Variants in FMN1 observed in about 807,000 individuals in gnomAD.
FMN1 encodes formin-1.
In FMN1, 110 loss-of-function variants were observed where a neutral mutation model predicts 132.4. That is an observed-to-expected ratio of 0.83 (90% CI 0.71 to 0.97). FMN1 has a LOEUF of 0.97. Among genes scored for constraint, FMN1 ranks in the 50% least tolerant of loss-of-function variants. The pLI, the probability that FMN1 is intolerant of heterozygous loss-of-function variation, is 0.00. For synonymous variants in FMN1, 722 were observed against 651.7 expected (o/e 1.11, Z -1.64); for missense variants, 1,792 against 1,705.3 (o/e 1.05, Z -0.90).
chr15:33,078,008 G>A (rs776686377), intron 5 of FMN1, among the ~76,000 whole-genome samples: 1 of 151,952 alleles, frequency 6.6e-6, no homozygotes, highest in Admixed American at 6.5e-5. Flanking sequence ...GAGAGGATGT[G>A]GAGAAATAGG....
chr15:33,047,545 T>C (rs2036744491), intron 6 of FMN1, among the ~76,000 whole-genome samples: 1 of 152,224 alleles, frequency 6.6e-6, no homozygotes, highest in African/African-American at 2.4e-5. Flanking sequence ...GACCCTGTTT[T>C]GGGAAAAACC....
chr15:32,801,220 C>T (rs554046481), intron 18 of FMN1, among the ~76,000 whole-genome samples: 2 of 152,316 alleles, frequency 1.3e-5, no homozygotes, highest in South Asian at 2.1e-4. Context: ...ATTTTCCCAA[C>T]TCTAAACTGA....
At chr15:32,838,748 G>T (rs981296743) in intron 17 of FMN1, among the ~76,000 whole-genome samples, 7 of 152,172 alleles carry the variant, frequency 4.6e-5, no homozygotes, top group African/African-American at 1.7e-4. Context: ...AAAAATCAAG[G>T]CAACAGAATC....
At chr15:32,971,939 T>C (rs1386813770) in intron 7 of FMN1, among the ~76,000 whole-genome samples, 1 of 152,214 alleles carries the variant, frequency 6.6e-6, no homozygotes, top group Admixed American at 6.5e-5. Flanking sequence ...TGTAAAGCTA[T>C]ATATCATTTT....
chr15:33,154,946 T>G lies in FMN1; in HGVS notation c.-32A>C. 6.7e-7 allele frequency: 1 copy of G among 1,492,468 alleles called. No individual in the cohort carries two copies. Among genetic ancestry groups the G allele is most frequent in the Non-Finnish European group, 8.9e-7 (1 of 1,124,390 alleles). The allele number at this position is 1,492,468 out of a possible 1,614,324, so 92.5% of individuals were successfully genotyped here. ...TACCTAATTATTCATGCCTTGGAGA[T>G]GCCGGTTTGTGGTCAGGCTTCCCAG... On this transcript the variant is annotated 5_prime_UTR_variant, in exon 4 of 21. Coordinates refer to ENST00000616417, the MANE Select transcript of FMN1 (RefSeq NM_001277313.2).
At chr15:33,068,070 C>G in intron 5 of FMN1, 8 of 1,405,634 alleles carry the variant, frequency 5.7e-6, no homozygotes, top group Non-Finnish European at 6.5e-6. Flanking sequence ...CCGGTTTGTG[C>G]GATGATGTGT....
chr15:32,907,832 G>A (rs761183767), intron 12 of FMN1, among the ~76,000 whole-genome samples: 2 of 152,110 alleles, frequency 1.3e-5, no homozygotes, highest in Non-Finnish European at 2.9e-5. Flanking sequence ...TGGAAAGCTG[G>A]GCAGGGTCGT....
At chr15:33,000,178 G>C (rs895802978) in intron 7 of FMN1, among the ~76,000 whole-genome samples, 1 of 152,208 alleles carries the variant, frequency 6.6e-6, no homozygotes, top group Non-Finnish European at 1.5e-5. Context: ...GGCTGGACGT[G>C]ATGGCTCACG....
chr15:32,908,007 G>T (rs1413927974), intron 12 of FMN1, among the ~76,000 whole-genome samples: 1 of 152,182 alleles, frequency 6.6e-6, no homozygotes, highest in Non-Finnish European at 1.5e-5. Flanking sequence ...TGTACAGAGT[G>T]AGGGTGAGAA....
At chr15:32,878,411 T>A (rs2059688056) in intron 16 of FMN1, among the ~76,000 whole-genome samples, 1 of 151,926 alleles carries the variant, frequency 6.6e-6, no homozygotes. Context: ...AGACCAAGAG[T>A]GGAAGCAGAG....
intron 14 of FMN1, chr15:32,899,724 G>T: frequency 1.9e-6 from 1 of 522,092 alleles, no homozygotes; most frequent in Non-Finnish European, 3.4e-6. Flanking sequence ...TTCAATACCT[G>T]ATTGTGTATG....
intron 6 of FMN1, among the ~76,000 whole-genome samples, chr15:33,016,950 GC>G (rs571624200): frequency 7.2e-4 from 109 of 152,276 alleles, no homozygotes; most frequent in African/African-American, 2.5e-3. Flanking sequence ...AGCTTGAGAG[GC>G]CTGTCTCGCT....
chr15:33,111,008 G>A (rs2039680723), intron 4 of FMN1, among the ~76,000 whole-genome samples: 1 of 152,048 alleles, frequency 6.6e-6, no homozygotes, highest in African/African-American at 2.4e-5. Context: ...AAGTGCTATG[G>A]AATTATAAAC....
At position 32,893,649 on chromosome 15, in the gene FMN1, A is replaced by C. The variant is rs541238652; in HGVS notation, c.3714+5185T>G. ...CCTAGAGGAAAGGGCCAGTTTCATAAATCACATAATTCTACCCTCTTGTTG... is the reference window on the plus strand; with the variant it reads ...CCTAGAGGAAAGGGCCAGTTTCATACATCACATAATTCTACCCTCTTGTTG... On this transcript the variant is annotated intron_variant, in intron 15 of 20. Transcript: ENST00000616417. Among the ~76,000 whole-genome samples the C allele has an allele frequency of 2.0e-5, 3 of 152,374 alleles. No individual in the cohort carries two copies. In the East Asian group the frequency reaches 5.8e-4, roughly 29 times the overall value.
At chr15:32,905,974 T>TG (rs2060414878) in intron 12 of FMN1, among the ~76,000 whole-genome samples, 1 of 152,218 alleles carries the variant, frequency 6.6e-6, no homozygotes, top group African/African-American at 2.4e-5. Flanking sequence ...TCCTTTTTGC[T>TG]GGGTTTGCGT....
At chr15:33,049,934 T>C (rs1001781367) in intron 6 of FMN1, among the ~76,000 whole-genome samples, 1 of 152,258 alleles carries the variant, frequency 6.6e-6, no homozygotes, top group African/African-American at 2.4e-5. Context: ...TTGTTTATTG[T>C]TCAATTAAAC....
intron 7 of FMN1, among the ~76,000 whole-genome samples, chr15:32,994,944 C>CA (rs2033675330): frequency 6.6e-6 from 1 of 151,844 alleles, no homozygotes; most frequent in Non-Finnish European, 1.5e-5. Flanking sequence ...GTGTTTAAAG[C>CA]AAAAACTCTT....
chr15:32,999,801 G>C (rs551936495), intron 7 of FMN1, among the ~76,000 whole-genome samples: 1 of 152,262 alleles, frequency 6.6e-6, no homozygotes, highest in Admixed American at 6.5e-5. Flanking sequence ...TTAAGGTGTT[G>C]GTCAAAAACG....
intron 5 of FMN1, among the ~76,000 whole-genome samples, chr15:33,081,852 G>A (rs1379125622): frequency 3.9e-5 from 6 of 152,144 alleles, no homozygotes. Context: ...AAGCTTGGGA[G>A]GAGCCTTGGT....
Sources: gnomAD v4.1 joint callset for allele counts (sites outside exome capture counted in the v4.1 genomes callset) on GRCh38, gnomAD v4.1.1 for gene constraint, MANE v1.5 for transcripts, NCBI Gene and HGNC (gene_info 2026-07-23, HGNC 2026-07-21) for gene names.